NLGN3: variants seen among roughly 807,000 people sequenced by gnomAD.
The protein encoded by NLGN3 is neuroligin-3.
A neutral mutation model predicts 42.9 loss-of-function variants in NLGN3; 11 were observed. The ratio of observed to expected loss-of-function variants is 0.26; its 90% confidence interval spans 0.16 to 0.42. NLGN3 has a LOEUF of 0.42. Ranked by LOEUF, NLGN3 falls within the 10% of genes least tolerant of loss-of-function variation. NLGN3 has a pLI of 1.00. For missense variants in NLGN3, 374 were observed against 733.8 expected, an observed-to-expected ratio of 0.51 and a Z score of 5.67; for synonymous variants, 279 against 312.7, an observed-to-expected ratio of 0.89 and a Z score of 1.14.
intron 5 of NLGN3, among the ~76,000 whole-genome samples, chrX:71,162,010 G>C (rs1468452873): frequency 8.9e-6 from 1 of 112,507 alleles, no homozygotes; most frequent in Non-Finnish European, 1.9e-5. Flanking sequence ...TACAGGGGAA[G>C]GAGAGAGGAG....
intron 5 of NLGN3, among the ~76,000 whole-genome samples, chrX:71,156,978 T>C (rs1215178698): frequency 9.1e-6 from 1 of 110,448 alleles, no homozygotes; most frequent in Non-Finnish European, 1.9e-5. Context: ...TCAGAGAGGG[T>C]GACTAAGCAC....
chrX:71,161,824 C>G (rs1034614766), intron 5 of NLGN3, among the ~76,000 whole-genome samples: 4 of 112,511 alleles, frequency 3.6e-5, no homozygotes, highest in African/African-American at 1.3e-4. Context: ...CCCTTTCAGG[C>G]CTTTGTTCCT....
chrX:71,175,283 T>A (rs191252367), downstream of NLGN3, among the ~76,000 whole-genome samples: 1 of 111,666 alleles, frequency 9.0e-6, no homozygotes, highest in Admixed American at 9.6e-5. Context: ...TGATGAAAAA[T>A]TATAATAAAA....
intron 6 of NLGN3, 59 bp from the exon 7 acceptor site, chrX:71,166,952 G>A (rs1462578304): frequency 8.8e-6 from 9 of 1,019,007 alleles, no homozygotes; most frequent in Non-Finnish European, 1.2e-5. Flanking sequence ...AAGGAATGAA[G>A]AGATTTATGG....
intron 3 of NLGN3, among the ~76,000 whole-genome samples, chrX:71,151,866 C>T (rs748007708): frequency 3.4e-4 from 38 of 111,833 alleles, no homozygotes; most frequent in African/African-American, 1.0e-3. Flanking sequence ...AGGCTGTCCG[C>T]AGTGTGAGGG....
At chrX:71,150,428 G>A (rs1025864983) in intron 3 of NLGN3, among the ~76,000 whole-genome samples, 3 of 111,931 alleles carry the variant, frequency 2.7e-5, no homozygotes, top group Admixed American at 9.5e-5. Flanking sequence ...GAGGCCGGGC[G>A]TGGTGGCTCA....
At position 71,160,286 on chromosome X, in the gene NLGN3, G is replaced by A. The variant is rs1273180389; in HGVS notation, c.728-3857G>A. The stretch of plus-strand genomic sequence containing the variant: ...GGCTGGAGTGCAATGGCATGATCTC[G>A]GCTCACTACAACCTCCGCCTCCCCG... On this transcript the variant is annotated intron_variant, in intron 5 of 7. Coordinates refer to ENST00000358741, the MANE Select transcript of NLGN3 (RefSeq NM_181303.2). Among the ~76,000 whole-genome samples the A allele has an allele frequency of 2.9e-5, 3 of 103,300 alleles. No homozygotes were observed. In the East Asian group the frequency reaches 9.1e-4, roughly 31 times the overall value. The allele number at this position is 103,300 out of a possible 115,157, so 89.7% of individuals were successfully genotyped here.
intron 3 of NLGN3, 44 bp downstream of exon 3, chrX:71,148,949 G>C: frequency 1.0e-5 from 8 of 800,872 alleles, no homozygotes; most frequent in Non-Finnish European, 1.2e-5. Flanking sequence ...AGAGAGGGAG[G>C]GCTGCCTGCC....
chrX:71,164,125 G>T lies in NLGN3; in HGVS notation c.728-18G>T. 1 of 1,209,675 alleles carries T rather than the reference G, an allele frequency of 8.3e-7. No individual in the cohort carries two copies. The highest frequency in any genetic ancestry group is 1.1e-6 in the Non-Finnish European group (1 of 893,429). On this transcript the variant is annotated intron_variant, in intron 5 of 7. Coordinates refer to ENST00000358741, the MANE Select transcript of NLGN3 (RefSeq NM_181303.2). ...ATCCCTCTGCCTTCATTGTCTTCAT[G>T]CCCTTTGTTGAATCCAGGTTTCCTG...
At chrX:71,146,178 C>CACACACACAG (rs2092368863) in intron 1 of NLGN3, among the ~76,000 whole-genome samples, 2 of 68,958 alleles carry the variant, frequency 2.9e-5, no homozygotes, top group African/African-American at 1.3e-4. Context: ...CACAGACACA[C>CACACACACAG]ACACACACAC....
At chrX:71,164,423 GCT>G (rs1279387683) in intron 6 of NLGN3, 95 bp downstream of exon 6, 14 of 891,348 alleles carry the variant, frequency 1.6e-5, no homozygotes, top group Non-Finnish European at 2.2e-5. Context: ...GAATCGGCCA[GCT>G]CTCTTCTACC....
chrX:71,167,857 G>A (rs1040801013), intron 7 of NLGN3, 57 bp downstream of exon 7: 1 of 1,005,959 alleles, frequency 9.9e-7, no homozygotes, highest in East Asian at 3.0e-5. Flanking sequence ...CCTCCCCTCT[G>A]CTCCTCTAGC....
chrX:71,150,104 T>C (rs951346190), intron 3 of NLGN3, among the ~76,000 whole-genome samples: 4 of 111,108 alleles, frequency 3.6e-5, no homozygotes, highest in African/African-American at 1.3e-4. Flanking sequence ...CACCCGAGCA[T>C]GGAATGAGAC....
At chrX:71,147,199 G>A (rs2092373795) in intron 1 of NLGN3, among the ~76,000 whole-genome samples, 1 of 111,317 alleles carries the variant, frequency 9.0e-6, no homozygotes, top group Non-Finnish European at 1.9e-5. Context: ...CATGCCCAGG[G>A]ACCTGAGCTC....
At chrX:71,168,849 G>A (rs1458838007) in intron 7 of NLGN3, among the ~76,000 whole-genome samples, 16 of 84,882 alleles carry the variant, frequency 1.9e-4, no homozygotes, top group African/African-American at 9.3e-4. Flanking sequence ...AAGAAAGAAA[G>A]AAAGAAAGAA....
chrX:71,153,928 A>C (rs1442830842), intron 4 of NLGN3, among the ~76,000 whole-genome samples: 1 of 111,849 alleles, frequency 8.9e-6, no homozygotes, highest in Non-Finnish European at 1.9e-5. Context: ...GTTTCAGTGA[A>C]GAGACCCCTG....
intron 3 of NLGN3, among the ~76,000 whole-genome samples, chrX:71,150,943 G>A (rs1471902440): frequency 1.8e-5 from 2 of 111,281 alleles, no homozygotes; most frequent in African/African-American, 6.5e-5. Context: ...GGATGTGGAG[G>A]GATGTGAGGT....
At position 71,147,698 on chromosome X, in the gene NLGN3, T is replaced by C; in HGVS notation, c.-52T>C. 1 of 1,079,998 alleles carries C rather than the reference T, an allele frequency of 9.3e-7. No individual in the cohort carries two copies. The highest frequency in any genetic ancestry group is 1.3e-6 in the Non-Finnish European group (1 of 792,544). The allele number at this position is 1,079,998 out of a possible 1,213,427, so 89.0% of individuals were successfully genotyped here. A position where few individuals can be genotyped will look rare whatever the true frequency, so the allele number is the denominator to read the frequency against. ...GCCATGAAGGGGCTGCCTATTGGGC[T>C]GATGCTGTGACCCTGGAGTCTGCCT... On this transcript the variant is annotated 5_prime_UTR_variant, in exon 2 of 8. Transcript: ENST00000358741.
At chrX:71,153,590 C>T in intron 4 of NLGN3, 54 bp downstream of exon 4, 1 of 1,044,056 alleles carries the variant, frequency 9.6e-7, no homozygotes, top group Middle Eastern at 2.5e-4. Context: ...AGCCCCTCCC[C>T]TTCTCGATGG....
Sources: gnomAD v4.1 joint callset for allele counts (sites outside exome capture counted in the v4.1 genomes callset) on GRCh38, gnomAD v4.1.1 for gene constraint, MANE v1.5 for transcripts, NCBI Gene and HGNC (gene_info 2026-07-23, HGNC 2026-07-21) for gene names.